Variants in TTC17 observed in about 807,000 individuals in gnomAD.
TTC17 encodes tetratricopeptide repeat protein 17.
In TTC17, 58 loss-of-function variants were observed where a neutral mutation model predicts 143.8. The observed-to-expected ratio is 0.40, with a 90% confidence interval of 0.33 to 0.50. TTC17 has a LOEUF of 0.50. Ranked by LOEUF, TTC17 falls within the 20% of genes least tolerant of loss-of-function variation. The probability of loss-of-function intolerance (pLI) is 0.49; values close to 1 mark genes in which losing one functional copy is unlikely to be tolerated. For synonymous variants in TTC17, 501 were observed against 497.8 expected (o/e 1.01, Z -0.09); for missense variants, 1,273 against 1,392.5 (o/e 0.91, Z 1.37).
At chr11:43,448,839 T>A (rs1165323928) in intron 19 of TTC17, 1 of 152,190 alleles carries the variant, frequency 6.6e-6, no homozygotes, top group Admixed American at 6.5e-5. Flanking sequence ...ATTATTGTTT[T>A]TTTTTGTTTT....
intron 1 of TTC17, among the ~76,000 whole-genome samples, chr11:43,365,158 T>A (rs1856282557): frequency 6.6e-6 from 1 of 152,100 alleles, no homozygotes; most frequent in South Asian, 2.1e-4. Flanking sequence ...TAGAGTGCAG[T>A]GGCACCGTCA....
intron 16 of TTC17, among the ~76,000 whole-genome samples, chr11:43,418,597 CTT>C (rs1348242232): frequency 6.6e-6 from 1 of 151,922 alleles, no homozygotes; most frequent in Non-Finnish European, 1.5e-5. Context: ...GTTAAATAAA[CTT>C]ATAATGCTTT....
intron 21 of TTC17, among the ~76,000 whole-genome samples, chr11:43,462,241 CG>C (rs1947882896): frequency 6.6e-6 from 1 of 152,122 alleles, no homozygotes; most frequent in African/African-American, 2.4e-5. Flanking sequence ...AAGATATCCA[CG>C]TTCTAATCCC....
At position 43,404,115 on chromosome 11, in the gene TTC17, A is replaced by C; in HGVS notation, c.1450A>C (p.Ile484Leu). Residue 484 changes from isoleucine (I) to leucine (L), a missense_variant, in exon 11 of 24, where the codon ATT (isoleucine) becomes CTT (leucine). Ile to Leu is a conservative substitution (Grantham distance 5). This residue lies in a region of TTC17 where 878 missense variants were observed against 899.8 expected (regional missense o/e 0.98). Coordinates refer to ENST00000039989, the MANE Select transcript of TTC17 (RefSeq NM_018259.6). The stretch of plus-strand genomic sequence containing the variant: ...TCCCGTAGCCCATTCTATTCTCTGG[A>C]TTTGGGGCAGGGACTCTGATGCATA... Reference protein sequence around the residue: ...SSPVAHSILWIWGRDSDAYRD... With the variant: ...SSPVAHSILWLWGRDSDAYRD... 6.2e-7 allele frequency: 1 copy of C among 1,612,728 alleles called. No homozygotes were observed. Among genetic ancestry groups the C allele is most frequent in the South Asian group, 1.1e-5 (1 of 90,788 alleles).
intron 16 of TTC17, among the ~76,000 whole-genome samples, chr11:43,441,911 A>G (rs1016682921): frequency 6.6e-6 from 1 of 152,218 alleles, no homozygotes; most frequent in Non-Finnish European, 1.5e-5. Flanking sequence ...GCTAAACAGC[A>G]TGAATTTTTT....
intron 16 of TTC17, 44 bp from the exon 17 acceptor site, chr11:43,443,281 A>G: frequency 6.3e-7 from 1 of 1,598,220 alleles, no homozygotes; most frequent in Non-Finnish European, 8.5e-7. Context: ...GTCTTGAATG[A>G]GTACTGTGTA....
chr11:43,430,176 C>A (rs1754141771), intron 16 of TTC17, among the ~76,000 whole-genome samples: 1 of 152,116 alleles, frequency 6.6e-6, no homozygotes, highest in African/African-American at 2.4e-5. Flanking sequence ...GCCTATAATC[C>A]CAGCACTTTG....
At chr11:43,470,541 C>G (rs1180101499) in intron 21 of TTC17, among the ~76,000 whole-genome samples, 2 of 152,138 alleles carry the variant, frequency 1.3e-5, no homozygotes, top group African/African-American at 2.4e-5. Flanking sequence ...CATCTCAGTC[C>G]AGATAGGTTT....
intron 1 of TTC17, among the ~76,000 whole-genome samples, chr11:43,363,921 T>C (rs934857988): frequency 1.3e-5 from 2 of 152,154 alleles, no homozygotes; most frequent in African/African-American, 4.8e-5. Context: ...CCATAGAATG[T>C]TTTGTGGTAA....
intron 21 of TTC17, among the ~76,000 whole-genome samples, chr11:43,473,719 A>C (rs1325036625): frequency 6.6e-6 from 1 of 151,968 alleles, no homozygotes; most frequent in Non-Finnish European, 1.5e-5. Flanking sequence ...CATTAAAAAT[A>C]AAAAAATAAA....
At chr11:43,453,985 G>C (rs988117895) in intron 21 of TTC17, among the ~76,000 whole-genome samples, 4 of 152,124 alleles carry the variant, frequency 2.6e-5, no homozygotes, top group South Asian at 2.1e-4. Context: ...GCTACAGCTC[G>C]CAAGAGTGTT....
chr11:43,404,201 C>T, intron 11 of TTC17, 57 bp downstream of exon 11: 3 of 1,536,880 alleles, frequency 2.0e-6, no homozygotes, highest in Admixed American at 1.9e-5. Context: ...TCCATTAAAG[C>T]AGTGGCCCTC....
intron 1 of TTC17, among the ~76,000 whole-genome samples, chr11:43,366,049 C>G (rs1194692055): frequency 6.6e-6 from 1 of 150,914 alleles, no homozygotes; most frequent in African/African-American, 2.4e-5. Flanking sequence ...GGCGCAATCT[C>G]GGCTCACTAC....
At chr11:43,488,645 T>C (rs1323289984) in intron 21 of TTC17, among the ~76,000 whole-genome samples, 1 of 152,142 alleles carries the variant, frequency 6.6e-6, no homozygotes, top group Non-Finnish European at 1.5e-5. Flanking sequence ...AATATTTAAA[T>C]GTAAAAAATG....
chr11:43,441,266 ACT>A (rs1947414073), intron 16 of TTC17, among the ~76,000 whole-genome samples: 1 of 147,320 alleles, frequency 6.8e-6, no homozygotes, highest in Non-Finnish European at 1.5e-5. Flanking sequence ...ACAGAACAAG[ACT>A]CTATCTCAAA....
At chr11:43,397,853 A>G in intron 7 of TTC17, 121 bp from the exon 8 acceptor site, 1 of 1,361,122 alleles carries the variant, frequency 7.3e-7, no homozygotes, top group Non-Finnish European at 9.9e-7. Flanking sequence ...ATAAATCATT[A>G]GAGGATTTGG....
chr11:43,374,301 GAAAT>G (rs1436224893), intron 1 of TTC17, among the ~76,000 whole-genome samples: 1 of 152,000 alleles, frequency 6.6e-6, no homozygotes, highest in African/African-American at 2.4e-5. Flanking sequence ...TTAAATGTAA[GAAAT>G]AAAACTACAA....
At chr11:43,441,911 A>T (rs1016682921) in intron 16 of TTC17, among the ~76,000 whole-genome samples, 16 of 152,218 alleles carry the variant, frequency 1.1e-4, no homozygotes, top group African/African-American at 3.6e-4. Flanking sequence ...GCTAAACAGC[A>T]TGAATTTTTT....
At chr11:43,477,279 G>C (rs780465599) in intron 21 of TTC17, among the ~76,000 whole-genome samples, 1 of 152,138 alleles carries the variant, frequency 6.6e-6, no homozygotes, top group Admixed American at 6.5e-5. Context: ...ACATTTTCCT[G>C]TCTTCTTCTG....
Sources: allele counts gnomAD v4.1 joint callset (sites outside exome capture counted in the v4.1 genomes callset), GRCh38; gene constraint gnomAD v4.1.1; regional missense constraint gnomAD v4.1.1; transcripts MANE v1.5; gene names NCBI Gene and HGNC (gene_info 2026-07-23, HGNC 2026-07-21).